Variants in UNC80 observed in about 807,000 individuals in gnomAD.
UNC80 encodes the protein protein unc-80 homolog.
UNC80 carries 164 observed loss-of-function variants against 384.6 expected under a neutral mutation model. The observed-to-expected ratio is 0.43, with a 90% confidence interval of 0.38 to 0.49. The LOEUF (loss-of-function observed/expected upper bound fraction) is 0.49. Among genes scored for constraint, UNC80 ranks in the 20% least tolerant of loss-of-function variants. UNC80 has a pLI of 0.00. For missense variants in UNC80, 3,330 were observed against 4,143.0 expected (o/e 0.80, Z 5.39); for synonymous variants, 1,486 against 1,527.8 (o/e 0.97, Z 0.64).
chr2:209,903,492 ATATT>A (rs1266952114), intron 28 of UNC80, among the ~76,000 whole-genome samples: 1 of 112,198 alleles, frequency 8.9e-6, no homozygotes, highest in East Asian at 2.2e-4. Context: ...TGTAATATAT[ATATT>A]ATATATAGTA....
intron 22 of UNC80, among the ~76,000 whole-genome samples, chr2:209,853,532 C>G (rs965015236): frequency 6.6e-6 from 1 of 151,826 alleles, no homozygotes; most frequent in Non-Finnish European, 1.5e-5. Flanking sequence ...CAATCTTTCT[C>G]TTTAGGGTTA....
chr2:209,811,681 T>G (rs919059308), intron 7 of UNC80, among the ~76,000 whole-genome samples: 10 of 152,244 alleles, frequency 6.6e-5, no homozygotes, highest in Admixed American at 5.2e-4. Flanking sequence ...AACTCACTTC[T>G]GTGTTTGAAC....
At chr2:209,979,143 G>A (rs897693179) in intron 59 of UNC80, among the ~76,000 whole-genome samples, 72 of 152,088 alleles carry the variant, frequency 4.7e-4, no homozygotes, top group Admixed American at 5.2e-4. Flanking sequence ...CAGCTACTCT[G>A]GAGGCTGAGG....
intron 60 of UNC80, chr2:209,982,524 A>G (rs1463480128): frequency 4.2e-6 from 2 of 475,844 alleles, no homozygotes; most frequent in African/African-American, 2.0e-5. Context: ...AGGGATCCCA[A>G]TTTCCAAGTA....
intron 14 of UNC80, among the ~76,000 whole-genome samples, chr2:209,828,914 CT>C (rs995506336): frequency 6.6e-5 from 10 of 151,628 alleles, no homozygotes; most frequent in Admixed American, 3.3e-4. Flanking sequence ...AAATTTCAAA[CT>C]TTTTTTTTCA....
chr2:209,930,035 G>A (rs1261279149), intron 37 of UNC80, 64 bp downstream of exon 37: 1 of 1,180,144 alleles, frequency 8.5e-7, no homozygotes, highest in African/African-American at 1.6e-5. Flanking sequence ...TTAAAATCAT[G>A]CAAAGAACTT....
intron 61 of UNC80, among the ~76,000 whole-genome samples, chr2:209,987,324 A>G (rs866252070): frequency 1.3e-5 from 2 of 152,166 alleles, no homozygotes; most frequent in South Asian, 2.1e-4. Flanking sequence ...TAAATGTGCT[A>G]ACTGGTTTCT....
chr2:209,985,369 T>G (rs559275292), intron 61 of UNC80, among the ~76,000 whole-genome samples: 1 of 152,322 alleles, frequency 6.6e-6, no homozygotes, highest in South Asian at 2.1e-4. Context: ...TAGACAATGA[T>G]GTTATAAAAA....
At chr2:209,933,470 A>G (rs938866613) in intron 38 of UNC80, among the ~76,000 whole-genome samples, 4 of 149,800 alleles carry the variant, frequency 2.7e-5, no homozygotes, top group African/African-American at 9.8e-5. Context: ...TATTAGACAT[A>G]ATCCAAGCTG....
In UNC80 at chr2:209,778,384, A is replaced by G. The variant is rs555668805; in HGVS notation, c.600+825A>G. On this transcript the variant is annotated intron_variant, in intron 4 of 64. Transcript: ENST00000673920. ...CACTGTACTCCAGCCTGGGTGACAA[A>G]GCGAGACTCTGTCTTAAAATGAAAA... Among the ~76,000 whole-genome samples the G allele has an allele frequency of 7.9e-5, 12 of 152,110 alleles. No homozygotes were observed. In the East Asian group the frequency reaches 2.1e-3, roughly 27 times the overall value.
Position 209,793,746 on chromosome 2 carries a change from C to G in UNC80, c.825C>G (p.Phe275Leu), listed in dbSNP as rs1280109356. Reference sequence around the variant, plus strand: ...GACTCCAGGTGGTTTGTGAAACATTCCAGTCTGATTCCATCTCACCCAAGG... The same window carrying G: ...GACTCCAGGTGGTTTGTGAAACATTGCAGTCTGATTCCATCTCACCCAAGG... ...LEGLQVVCETFQSDSISPKAT... is the reference protein window; with the variant it reads ...LEGLQVVCETLQSDSISPKAT... The change falls in exon 7 of 65, where the codon TTC (phenylalanine) becomes TTG (leucine). Residue 275 changes from phenylalanine (F) to leucine (L), a missense_variant. Phe to Leu is a conservative substitution (Grantham distance 22). This residue lies in a region of UNC80 where 937 missense variants were observed against 1,026.8 expected (regional missense o/e 0.91). Transcript: ENST00000673920. 3 of 1,613,894 alleles carry G rather than the reference C, an allele frequency of 1.9e-6. No individual in the cohort carries two copies. The highest frequency in any genetic ancestry group is 1.6e-4 in the Middle Eastern group (1 of 6,084).
chr2:209,816,746 G>A (rs2079767970), intron 9 of UNC80, among the ~76,000 whole-genome samples, 163 bp from the exon 10 acceptor site: 1 of 152,148 alleles, frequency 6.6e-6, no homozygotes, highest in Non-Finnish European at 1.5e-5. Context: ...CTCTTTTAAT[G>A]TGAAATTTCT....
intron 29 of UNC80, among the ~76,000 whole-genome samples, chr2:209,906,678 T>C (rs1365317687): frequency 6.6e-6 from 1 of 152,094 alleles, no homozygotes; most frequent in Admixed American, 6.6e-5. Context: ...AGGTGGAGAA[T>C]AGACCAATGT....
At chr2:209,986,084 G>A (rs1345731753) in intron 61 of UNC80, among the ~76,000 whole-genome samples, 1 of 152,166 alleles carries the variant, frequency 6.6e-6, no homozygotes, top group African/African-American at 2.4e-5. Flanking sequence ...CAGGAGCTTT[G>A]GGGGCAAGGA....
chr2:209,848,772 C>T (rs1357815770), intron 21 of UNC80, among the ~76,000 whole-genome samples: 1 of 152,146 alleles, frequency 6.6e-6, no homozygotes, highest in African/African-American at 2.4e-5. Flanking sequence ...AGGATGTGTC[C>T]CCTGATAGAG....
At chr2:209,878,594 T>A (rs1051192874) in intron 24 of UNC80, among the ~76,000 whole-genome samples, 1 of 152,154 alleles carries the variant, frequency 6.6e-6, no homozygotes, top group Non-Finnish European at 1.5e-5. Context: ...TATTCAGAGG[T>A]TGCTAGAACT....
At chr2:209,933,043 GA>G (rs991477015) in intron 38 of UNC80, among the ~76,000 whole-genome samples, 11 of 151,110 alleles carry the variant, frequency 7.3e-5, no homozygotes, top group South Asian at 2.1e-4. Context: ...AAACCCACAA[GA>G]AAAAAAAATT....
intron 28 of UNC80, among the ~76,000 whole-genome samples, chr2:209,896,821 A>G (rs2086844374): frequency 6.6e-6 from 1 of 152,104 alleles, no homozygotes; most frequent in Non-Finnish European, 1.5e-5. Context: ...TGGGGCAAGG[A>G]CACTCTAAGA....
At chr2:209,930,523 C>G (rs143307771) in intron 37 of UNC80, among the ~76,000 whole-genome samples, 2 of 152,112 alleles carry the variant, frequency 1.3e-5, no homozygotes, top group Non-Finnish European at 2.9e-5. Context: ...CTCTTGTAAC[C>G]TCTCTTTTTC....
Sources: gnomAD v4.1 joint callset for allele counts (sites outside exome capture counted in the v4.1 genomes callset) on GRCh38, gnomAD v4.1.1 for gene constraint, gnomAD v4.1.1 regional missense constraint, MANE v1.5 for transcripts, NCBI Gene and HGNC (gene_info 2026-07-23, HGNC 2026-07-21) for gene names.